Variants in MGAM observed in about 807,000 individuals in gnomAD.
MGAM encodes the protein maltase-glucoamylase, also known as alpha-1,4-glucosidase.
MGAM carries 253 observed loss-of-function variants against 358.8 expected under a neutral mutation model. That is an observed-to-expected ratio of 0.71 (90% CI 0.64 to 0.78). The LOEUF is 0.78. Ranked by LOEUF, MGAM falls within the 30% of genes least tolerant of loss-of-function variation. The pLI, the probability that MGAM is intolerant of heterozygous loss-of-function variation, is 0.00. For synonymous variants in MGAM, 1,105 were observed against 1,227.1 expected, an observed-to-expected ratio of 0.90 and a Z score of 2.08; for missense variants, 3,080 against 3,432.6, an observed-to-expected ratio of 0.90 and a Z score of 2.57.
At chr7:141,998,507 T>C (rs1297824371) in intron 1 of MGAM, among the ~76,000 whole-genome samples, 1 of 152,190 alleles carries the variant, frequency 6.6e-6, no homozygotes, top group African/African-American at 2.4e-5. Flanking sequence ...ACATGTAGTG[T>C]TTGGTTTTCT....
rs1308337329 is a variant in MGAM at position 142,047,791 on chromosome 7, G to A, written c.2505G>A (p.Lys835=). The A allele has an allele frequency of 6.2e-7, 1 of 1,612,378 alleles. No homozygotes were observed. The highest frequency in any genetic ancestry group is 8.5e-7 in the Non-Finnish European group (1 of 1,178,576). Residue 835 remains lysine (K), a synonymous_variant, in exon 22 of 71, where the codon AAG becomes AAA. Coordinates refer to ENST00000475668, the MANE Select transcript of MGAM (RefSeq NM_001365693.1). The part of the protein sequence containing the change: ...QPNTTTLASR[K]NPLGLIIALD... ...TGAATCTTGTTCCCCACAGTCGAAA[G>A]AACCCTCTTGGTCTTATCATTGCCC...
chr7:142,042,048 A>AT (rs1563145916), intron 21 of MGAM, among the ~76,000 whole-genome samples: 2 of 48,516 alleles, frequency 4.1e-5, no homozygotes, highest in African/African-American at 1.7e-4. Context: ...CATATAATAT[A>AT]TAATATATAT....
chr7:142,048,553 T>C (rs922469311), intron 22 of MGAM, among the ~76,000 whole-genome samples: 3 of 127,488 alleles, frequency 2.4e-5, no homozygotes, highest in African/African-American at 7.7e-5. Flanking sequence ...TATGAGCAAA[T>C]GTTGATGATA....
intron 4 of MGAM, 39 bp downstream of exon 4, chr7:142,019,358 C>T (rs782612986): frequency 6.2e-7 from 1 of 1,602,206 alleles, no homozygotes; most frequent in Middle Eastern, 1.7e-4. Flanking sequence ...GGTCCAGACC[C>T]TCTGGAGGTT....
At chr7:142,023,783 A>G (rs1247207116) in intron 7 of MGAM, among the ~76,000 whole-genome samples, 1 of 152,120 alleles carries the variant, frequency 6.6e-6, no homozygotes, top group Non-Finnish European at 1.5e-5. Context: ...AAAAGCAGAA[A>G]AGCTGTTAAG....
At chr7:142,043,795 TATATACATTATATACACATACGAC>T in intron 21 of MGAM, among the ~76,000 whole-genome samples, 1 of 98,216 alleles carries the variant, frequency 1.0e-5, no homozygotes, top group African/African-American at 2.9e-5. Flanking sequence ...CGACATATAA[TATATACATTATATACACATACGAC>T]GTATAATATA....
chr7:142,045,206 AT>A (rs1809963201), intron 21 of MGAM, among the ~76,000 whole-genome samples: 2 of 57,226 alleles, frequency 3.5e-5, no homozygotes, highest in Non-Finnish European at 6.5e-5. Context: ...TATATATTAT[AT>A]AACATATATG....
intron 67 of MGAM, 87 bp from the exon 68 acceptor site, chr7:142,100,715 C>T: frequency 4.3e-6 from 5 of 1,170,006 alleles, no homozygotes; most frequent in Non-Finnish European, 6.3e-6. Context: ...AAGCACTTCC[C>T]TTTGCTGCTT....
intron 1 of MGAM, among the ~76,000 whole-genome samples, chr7:142,001,198 A>G (rs1554450520): frequency 6.6e-6 from 1 of 152,214 alleles, no homozygotes; most frequent in Non-Finnish European, 1.5e-5. Context: ...CTAGAATTGG[A>G]GTAATTTATT....
At chr7:142,053,020 C>G in intron 26 of MGAM, 36 bp downstream of exon 26, 1 of 1,599,468 alleles carries the variant, frequency 6.3e-7, no homozygotes, top group East Asian at 2.2e-5. Flanking sequence ...GTGATTAGAC[C>G]CTTTTCAGTT....
intron 19 of MGAM, among the ~76,000 whole-genome samples, chr7:142,039,101 C>G (rs1808272392): frequency 7.2e-6 from 1 of 139,656 alleles, no homozygotes; most frequent in Admixed American, 7.2e-5. Context: ...AGTTGCCACA[C>G]ACTTTTTTTT....
upstream of MGAM, among the ~76,000 whole-genome samples, chr7:141,991,884 C>T (rs1803963026): frequency 6.6e-6 from 1 of 152,162 alleles, no homozygotes; most frequent in South Asian, 2.1e-4. Context: ...AATGATTATA[C>T]CTTGGTCTGG....
chr7:142,044,532 G>A (rs1235563253), intron 21 of MGAM, among the ~76,000 whole-genome samples: 2 of 127,912 alleles, frequency 1.6e-5, no homozygotes, highest in Admixed American at 9.0e-5. Flanking sequence ...ATACACTTAC[G>A]ATATATGATA....
At chr7:142,013,516 C>T (rs1805756699) in intron 3 of MGAM, among the ~76,000 whole-genome samples, 1 of 152,068 alleles carries the variant, frequency 6.6e-6, no homozygotes, top group Admixed American at 6.6e-5. Context: ...TTATGCATTT[C>T]AAGGCGCCTG....
In MGAM at chr7:142,052,840, C is replaced by G. The variant is rs779554398; in HGVS notation, c.3015C>G (p.Val1005=). Residue 1005 remains valine, a synonymous_variant, in exon 26 of 71, where the codon GTC becomes GTG. Transcript: ENST00000475668. ...FCYFVNDLYS[V]SDVQYNSHGA... is the part of the protein sequence containing the mutation. ...ATTTTGTCAACGACCTATACTCTGT[C>G]AGTGATGTTCAGTATAATTCCCATG... is the stretch of plus-strand genomic sequence containing the variant. The G allele has an allele frequency of 6.2e-7, 1 of 1,613,756 alleles. No individual in the cohort carries two copies. The highest frequency in any genetic ancestry group is 8.5e-7 in the Non-Finnish European group (1 of 1,179,846).
intron 8 of MGAM, 143 bp downstream of exon 8, chr7:142,025,292 A>C (rs1168594772): frequency 1.6e-6 from 1 of 613,870 alleles, no homozygotes; most frequent in African/African-American, 1.9e-5. Context: ...TAATTGTGCT[A>C]TCCCTACTTC....
chr7:142,029,736 A>T (rs574726243), intron 10 of MGAM, among the ~76,000 whole-genome samples: 2 of 152,178 alleles, frequency 1.3e-5, no homozygotes, highest in Non-Finnish European at 2.9e-5. Flanking sequence ...ATTGGATACT[A>T]TTGGGAGTGA....
At chr7:142,019,767 A>G (rs1178385018) in intron 4 of MGAM, among the ~76,000 whole-genome samples, 1 of 152,086 alleles carries the variant, frequency 6.6e-6, no homozygotes, top group East Asian at 1.9e-4. Flanking sequence ...TCTTCCTCCT[A>G]CTCTAAAATG....
rs374915796 is a variant in MGAM, at chr7:142,022,382, G to T, written c.825G>T (p.Arg275=). The change falls in exon 7 of 71, where the codon CGG becomes CGT. Residue 275 remains arginine (R), a synonymous_variant. Transcript: ENST00000475668. ...GAGAGCATGTGCACCAGCAGTATCG[G>T]CATGATATGAATTGGAAGACCTGGC... The part of the protein sequence containing the change: ...GLGEHVHQQY[R]HDMNWKTWPI... 1.2e-6 allele frequency: 2 copies of T among 1,613,636 alleles called. No homozygotes were observed. Among genetic ancestry groups the T allele is most frequent in the Non-Finnish European group, 8.5e-7 (1 of 1,179,686 alleles).
Sources: allele counts gnomAD v4.1 joint callset (sites outside exome capture counted in the v4.1 genomes callset), GRCh38; gene constraint gnomAD v4.1.1; transcripts MANE v1.5; gene names NCBI Gene and HGNC (gene_info 2026-07-23, HGNC 2026-07-21).